DRC8: variants seen among roughly 807,000 people sequenced by gnomAD.
DRC8 encodes dynein regulatory complex subunit 8.
the DRC8 span, among the ~76,000 whole-genome samples, chr1:245,082,651 A>G: frequency 2.0e-5 from 3 of 152,292 alleles, no homozygotes; most frequent in East Asian, 5.8e-4. Flanking sequence ...AAAGATTTCA[A>G]TGAGGCAAGT....
the DRC8 span, chr1:244,970,365 A>G: frequency 6.8e-7 from 1 of 1,471,602 alleles, no homozygotes; most frequent in Non-Finnish European, 9.0e-7. Context: ...AGGCCGGGAC[A>G]CCGCGGCCGA....
the DRC8 span, among the ~76,000 whole-genome samples, chr1:245,024,768 C>A: frequency 2.0e-5 from 3 of 152,004 alleles, no homozygotes; most frequent in East Asian, 3.9e-4. Flanking sequence ...GGTCTCGAAC[C>A]CCTGACCTCA....
the DRC8 span, among the ~76,000 whole-genome samples, chr1:245,083,059 C>T: frequency 6.6e-6 from 1 of 152,124 alleles, no homozygotes; most frequent in Non-Finnish European, 1.5e-5. Flanking sequence ...ACCACCAGGC[C>T]AGGTACTGGT....
the DRC8 span, among the ~76,000 whole-genome samples, chr1:244,979,808 G>T: frequency 1.3e-5 from 2 of 151,958 alleles, no homozygotes; most frequent in East Asian, 1.9e-4. Flanking sequence ...AGGAAGAGAA[G>T]AAATAACATA....
At chr1:245,053,125 A>G in the DRC8 span, among the ~76,000 whole-genome samples, 1 of 152,178 alleles carries the variant, frequency 6.6e-6, no homozygotes, top group African/African-American at 2.4e-5. Context: ...TCTTCTCTTA[A>G]CCTTTCAATC....
the DRC8 span, among the ~76,000 whole-genome samples, chr1:245,086,485 G>A: frequency 5.9e-5 from 9 of 152,322 alleles, no homozygotes; most frequent in East Asian, 1.7e-3. Context: ...ACTAGTTTGA[G>A]AATATGCATT....
chr1:245,009,468 C>T, the DRC8 span, among the ~76,000 whole-genome samples: 7 of 113,524 alleles, frequency 6.2e-5, no homozygotes, highest in South Asian at 7.2e-4. Context: ...ATAATCCAAA[C>T]GATTTTTTTT....
chr1:245,022,768 G>C, the DRC8 span, among the ~76,000 whole-genome samples: 3 of 151,996 alleles, frequency 2.0e-5, no homozygotes, highest in Admixed American at 6.6e-5. Flanking sequence ...GTAAAATATA[G>C]ATAACCTAAA....
the DRC8 span, among the ~76,000 whole-genome samples, chr1:244,995,361 CA>C: frequency 1.1e-3 from 154 of 138,724 alleles, no homozygotes; most frequent in Admixed American, 1.5e-3. Context: ...GACTCCATCT[CA>C]AAAAAAAAAA....
the DRC8 span, among the ~76,000 whole-genome samples, chr1:245,097,517 C>T: frequency 6.7e-6 from 1 of 148,524 alleles, no homozygotes; most frequent in Admixed American, 6.6e-5. The surrounding 1 kb of genome is among the most constrained non-coding windows in gnomAD (Gnocchi z 5.0). Flanking sequence ...GATTCCCTCT[C>T]AAAAAAAAAA....
At chr1:245,105,622 C>CAAAAAAAA in the DRC8 span, among the ~76,000 whole-genome samples, 5 of 114,156 alleles carry the variant, frequency 4.4e-5, no homozygotes, top group Admixed American at 2.0e-4. Flanking sequence ...GACCCCATCT[C>CAAAAAAAA]AAAAAAAAAA....
At chr1:245,009,494 G>A in the DRC8 span, among the ~76,000 whole-genome samples, 1 of 141,108 alleles carries the variant, frequency 7.1e-6, no homozygotes, top group African/African-American at 2.7e-5. Flanking sequence ...TTGAGTTGGA[G>A]TCTCGCTCTG....
chr1:245,120,797 C>T, the DRC8 span, among the ~76,000 whole-genome samples: 117 of 152,330 alleles, frequency 7.7e-4, no homozygotes, highest in Non-Finnish European at 1.3e-3. Context: ...GAAGGCACCT[C>T]GGGGGTGATA....
the DRC8 span, among the ~76,000 whole-genome samples, chr1:245,072,964 G>A: frequency 1.3e-5 from 2 of 152,242 alleles, no homozygotes; most frequent in African/African-American, 4.8e-5. Flanking sequence ...TCAGCACCAT[G>A]CTTCCTGTAC....
the DRC8 span, among the ~76,000 whole-genome samples, chr1:244,975,296 C>T: frequency 1.3e-5 from 2 of 152,132 alleles, no homozygotes; most frequent in East Asian, 1.9e-4. Flanking sequence ...CAGGCATGAG[C>T]CACCCTGCCT....
At chr1:245,038,615 G>A in the DRC8 span, among the ~76,000 whole-genome samples, 9 of 146,814 alleles carry the variant, frequency 6.1e-5, no homozygotes, top group East Asian at 1.5e-3. Context: ...AGTTAATATA[G>A]GATATAAATA....
At chr1:244,969,978 A>C in the DRC8 span, 2 of 522,340 alleles carry the variant, frequency 3.8e-6, no homozygotes, top group Non-Finnish European at 6.7e-6. Context: ...GCTTTTCAAA[A>C]TCTGCAGTTA....
chr1:245,041,018 A>G, the DRC8 span, among the ~76,000 whole-genome samples: 1 of 152,380 alleles, frequency 6.6e-6, no homozygotes, highest in South Asian at 2.1e-4. Flanking sequence ...GCTATAAAGA[A>G]AATAAAGTAG....
At chr1:245,100,252 G>A in the DRC8 span, among the ~76,000 whole-genome samples, 1 of 152,134 alleles carries the variant, frequency 6.6e-6, no homozygotes, top group Non-Finnish European at 1.5e-5. Flanking sequence ...GGACATAGCG[G>A]CATGTGCCTG....
Sources: allele counts gnomAD v4.1 joint callset (sites outside exome capture counted in the v4.1 genomes callset), GRCh38; gene constraint gnomAD v4.1.1; non-coding constraint Gnocchi (gnomAD v3.1); transcripts MANE v1.5; gene names NCBI Gene and HGNC (gene_info 2026-07-23, HGNC 2026-07-21).